Variants in AHCTF1 observed in about 807,000 individuals in gnomAD.
AHCTF1 encodes the protein protein ELYS.
Under a neutral mutation model 248.4 loss-of-function variants are expected in AHCTF1, and 24 were observed. The ratio of observed to expected loss-of-function variants is 0.10; its 90% confidence interval spans 0.07 to 0.14. The LOEUF (loss-of-function observed/expected upper bound fraction) is 0.14. Among genes scored for constraint, AHCTF1 ranks in the 10% least tolerant of loss-of-function variants. The pLI is 1.00. For synonymous variants in AHCTF1, 786 were observed against 929.8 expected (o/e 0.85, Z 2.81); for missense variants, 2,206 against 2,636.2 (o/e 0.84, Z 3.57).
intron 35 of AHCTF1, among the ~76,000 whole-genome samples, 166 bp downstream of exon 35, chr1:246,842,528 G>A (rs1370628613): frequency 6.6e-6 from 1 of 152,062 alleles, no homozygotes; most frequent in Non-Finnish European, 1.5e-5. Context: ...GTTGCAGTGA[G>A]CCGAAATCAC....
intron 21 of AHCTF1, among the ~76,000 whole-genome samples, chr1:246,882,641 GA>G (rs1663531534): frequency 1.3e-5 from 2 of 152,108 alleles, no homozygotes; most frequent in African/African-American, 4.8e-5. Flanking sequence ...TAACAAAGAG[GA>G]AAAATTATGC....
At chr1:246,899,178 T>G (rs1664820381) in intron 11 of AHCTF1, among the ~76,000 whole-genome samples, 1 of 152,186 alleles carries the variant, frequency 6.6e-6, no homozygotes, top group African/African-American at 2.4e-5. Flanking sequence ...TTGCATTACT[T>G]CATTTCCTCA....
chr1:246,888,029 C>A, intron 19 of AHCTF1, 148 bp downstream of exon 19: 1 of 829,780 alleles, frequency 1.2e-6, no homozygotes, highest in Non-Finnish European at 1.9e-6. Context: ...CCATCTGAGC[C>A]CAAACAACAG....
chr1:246,922,748 C>T (rs1413893356), intron 1 of AHCTF1, among the ~76,000 whole-genome samples: 5 of 151,042 alleles, frequency 3.3e-5, no homozygotes, highest in Admixed American at 1.3e-4. Context: ...TTTGGGAGGC[C>T]AAGGAGGGCG....
intron 21 of AHCTF1, among the ~76,000 whole-genome samples, chr1:246,883,183 A>C (rs760890525): frequency 1.3e-5 from 2 of 152,214 alleles, no homozygotes; most frequent in Non-Finnish European, 2.9e-5. Context: ...TGATGGTTTA[A>C]ATATTAAAAC....
At chr1:246,902,415 T>C in intron 8 of AHCTF1, 110 bp downstream of exon 8, 1 of 1,340,596 alleles carries the variant, frequency 7.5e-7, no homozygotes, top group Non-Finnish European at 1.0e-6. Context: ...ATTCCGTTAA[T>C]TACTATTCCA....
Position 246,857,697 on chromosome 1 carries a change from T to A in AHCTF1, c.4250A>T (p.Tyr1417Phe), listed in dbSNP as rs1158299055. The A allele has an allele frequency of 4.3e-6, 7 of 1,611,270 alleles. No homozygotes were observed. In the Middle Eastern group the frequency reaches 5.7e-4, roughly 131 times the overall value. ...TEASLCAPSV[Y>F]EGKIFTQKSK... ...TTTCTCTCCATTAACTTACCCTTCA[T>A]AGACTGATGGTGCACAAAGAGAAGC... Residue 1417 changes from tyrosine to phenylalanine, a missense_variant, in exon 30 of 36, where the codon TAT becomes TTT. Tyr to Phe is a conservative substitution (Grantham distance 22). Around this residue, in one of 6 missense-constraint regions of AHCTF1, gnomAD observed 955 missense variants for 1,055.6 expected, o/e 0.90. Coordinates refer to ENST00000648844, the MANE Select transcript of AHCTF1 (RefSeq NM_001323342.2).
chr1:246,912,352 G>A (rs548972275), intron 4 of AHCTF1, among the ~76,000 whole-genome samples: 12 of 151,746 alleles, frequency 7.9e-5, no homozygotes, highest in South Asian at 2.1e-4. Context: ...GCATGGTGGC[G>A]TGTGCCTGTA....
In AHCTF1 at chr1:246,925,891, G is replaced by A. The variant is rs575751647; in HGVS notation, c.-8+5687C>T. Reference sequence around the variant, plus strand: ...TTGACACCAGCCTGGGCCACATGGCGAAATCTCATCTCTACGAAAAATAAT... The same window carrying A: ...TTGACACCAGCCTGGGCCACATGGCAAAATCTCATCTCTACGAAAAATAAT... On this transcript the variant is annotated intron_variant, in intron 1 of 35. Transcript: ENST00000648844. Among the ~76,000 whole-genome samples, 59 of 152,110 alleles carry A rather than the reference G, an allele frequency of 3.9e-4. No individual in the cohort carries two copies. In the South Asian group the frequency reaches 8.3e-3, roughly 21 times the overall value.
At chr1:246,885,806 C>G in intron 20 of AHCTF1, 126 bp from the exon 21 acceptor site, 1 of 895,982 alleles carries the variant, frequency 1.1e-6, no homozygotes, top group Non-Finnish European at 1.7e-6. Context: ...CTGAAAAAAT[C>G]TACTTTAATC....
At chr1:246,849,348 TATA>T (rs1660524088) in intron 33 of AHCTF1, among the ~76,000 whole-genome samples, 1 of 152,182 alleles carries the variant, frequency 6.6e-6, no homozygotes, top group African/African-American at 2.4e-5. Context: ...ACTTATAATT[TATA>T]AAACTCACAG....
chr1:246,890,038 C>T lies in AHCTF1; in HGVS notation c.2072G>A (p.Arg691Lys), dbSNP rs751673109. 1.2e-6 allele frequency: 2 copies of T among 1,612,152 alleles called. No homozygotes were observed. Among genetic ancestry groups the T allele is most frequent in the Admixed American group, 1.7e-5 (1 of 59,912 alleles). ...AATTACAGGGTAGTTGTAGCATAACCTTGACAACTGCACAGAATCATCTAG... is the reference window on the plus strand; with the variant it reads ...AATTACAGGGTAGTTGTAGCATAACTTTGACAACTGCACAGAATCATCTAG... ...EGIDDSVQLS[R>K]LCYNYPVIQN... Residue 691 changes from arginine (R) to lysine (K), a missense_variant, in exon 17 of 36, where the codon AGG becomes AAG. Physicochemically the swap from Arg to Lys is conservative, Grantham distance 26 (BLOSUM62 2). Transcript: ENST00000648844.
Position 246,840,553 on chromosome 1 carries a change from C to T in AHCTF1, c.*253G>A, listed in dbSNP as rs1659784730. The T allele has an allele frequency of 1.4e-5, 3 of 212,738 alleles. No homozygotes were observed. Among genetic ancestry groups the T allele is most frequent in the Non-Finnish European group, 2.7e-5 (3 of 109,170 alleles). The allele number at this position is 212,738 out of a possible 1,614,324, so 13.2% of individuals were successfully genotyped here. A position where few individuals can be genotyped will look rare whatever the true frequency, so the allele number is the denominator to read the frequency against. Reference sequence around the variant, plus strand: ...AAGACACAAACGACTGTGAAGTATACATTTTATTTAACATTCCATTAATAA... The same window carrying T: ...AAGACACAAACGACTGTGAAGTATATATTTTATTTAACATTCCATTAATAA... On this transcript the variant is annotated 3_prime_UTR_variant, in exon 36 of 36. Coordinates refer to ENST00000648844, the MANE Select transcript of AHCTF1 (RefSeq NM_001323342.2).
rs188425011 is a variant in AHCTF1 at position 246,920,728 on chromosome 1, C to G, written c.-7-2351G>C. Among the ~76,000 whole-genome samples, 365 of 149,858 alleles carry G rather than the reference C, an allele frequency of 2.4e-3. 2 individuals carry two copies. The highest frequency in any genetic ancestry group is 7.4e-3 in the Middle Eastern group (2 of 272). ...GAGCTTGCAGTGAGCCGAGATCGCA[C>G]CACTGCACTCCAGCCTGGGTGACAG... On this transcript the variant is annotated intron_variant, in intron 1 of 35. Transcript: ENST00000648844.
chr1:246,906,695 T>C (rs1414857517), intron 5 of AHCTF1, among the ~76,000 whole-genome samples: 1 of 151,646 alleles, frequency 6.6e-6, no homozygotes, highest in Admixed American at 6.6e-5. Context: ...TCAGGAAAAA[T>C]GGAGAAACAA....
At chr1:246,928,045 C>T (rs957240569) in intron 1 of AHCTF1, among the ~76,000 whole-genome samples, 2 of 151,904 alleles carry the variant, frequency 1.3e-5, no homozygotes, top group Non-Finnish European at 2.9e-5. Context: ...CGGCCGGGTG[C>T]GGTGGCTCAC....
Position 246,916,371 on chromosome 1 carries a change from G to C in AHCTF1, c.146C>G (p.Ala49Gly). ...AAGKNGLACL[A>G]CGPQLEVVNS... ...TACTACCTCAAGTTGTGGACCACAA[G>C]CCAAGCAAGCAAGTCCATTTTTCCC... is the stretch of plus-strand genomic sequence containing the variant. Residue 49 changes from alanine (A) to glycine (G), a missense_variant, in exon 3 of 36, where the codon GCT (alanine) becomes GGT (glycine). Physicochemically the swap from Ala to Gly is moderately conservative, Grantham distance 60. Transcript: ENST00000648844. 1 of 1,602,210 alleles carries C rather than the reference G, an allele frequency of 6.2e-7. No homozygotes were observed. Among genetic ancestry groups the C allele is most frequent in the South Asian group, 1.1e-5 (1 of 88,528 alleles).
intron 4 of AHCTF1, among the ~76,000 whole-genome samples, chr1:246,908,995 C>T (rs55889824): frequency 0.28 from 42,487 of 151,174 alleles, 6,095 homozygotes; most frequent in East Asian, 0.36. Context: ...TCATTATTTA[C>T]AGTTTCACTC....
chr1:246,882,990 A>C (rs1040850999), intron 21 of AHCTF1, among the ~76,000 whole-genome samples: 3 of 152,234 alleles, frequency 2.0e-5, no homozygotes, highest in Admixed American at 2.0e-4. Flanking sequence ...TTTGAGTCCA[A>C]AGATTTTGCT....
Sources: gnomAD v4.1 joint callset for allele counts (sites outside exome capture counted in the v4.1 genomes callset) on GRCh38, gnomAD v4.1.1 for gene constraint, gnomAD v4.1.1 regional missense constraint, MANE v1.5 for transcripts, NCBI Gene and HGNC (gene_info 2026-07-23, HGNC 2026-07-21) for gene names.